The following TLCD4 variants were observed in gnomAD, a reference collection of about 807,000 sequenced individuals.
TLCD4 encodes the protein TLC domain-containing protein 4.
In TLCD4, 7 loss-of-function variants were observed where a neutral mutation model predicts 24.2. The observed-to-expected ratio is 0.29, with a 90% CI of 0.16 to 0.54. The LOEUF (loss-of-function observed/expected upper bound fraction) is 0.54. Among genes scored for constraint, TLCD4 ranks in the 20% least tolerant of loss-of-function variants. The probability of loss-of-function intolerance (pLI) is 0.95; values close to 1 mark genes in which losing one functional copy is unlikely to be tolerated. For synonymous variants in TLCD4, 103 were observed against 106.4 expected (o/e 0.97, Z 0.20); for missense variants, 259 against 313.9 (o/e 0.82, Z 1.32).
intron 5 of TLCD4, among the ~76,000 whole-genome samples, chr1:95,169,562 C>G (rs1377560273): frequency 6.6e-6 from 1 of 151,904 alleles, no homozygotes; most frequent in Non-Finnish European, 1.5e-5. Context: ...TAATTCTTTA[C>G]CAGTATGAAA....
chr1:95,149,095 A>G lies in TLCD4; in HGVS notation c.245+304A>G, dbSNP rs529190461. The stretch of plus-strand genomic sequence containing the variant: ...GTTATTGTAGTCACAGTTCTGAAGA[A>G]AAATAAATCATTATTGAGATAGGGT... On this transcript the variant is annotated intron_variant, in intron 3 of 6. Transcript: ENST00000370203. Among the ~76,000 whole-genome samples, 191 of 152,342 alleles carry G rather than the reference A, an allele frequency of 1.3e-3. 1 individual carries two copies. Among genetic ancestry groups the G allele is most frequent in the African/African-American group, 4.3e-3 (177 of 41,582 alleles).
chr1:95,196,312 G>A lies in TLCD4; in HGVS notation c.*4444G>A, dbSNP rs959082302. 3 of 152,178 alleles carry A rather than the reference G, an allele frequency of 2.0e-5. No individual in the cohort carries two copies. Among genetic ancestry groups the A allele is most frequent in the Admixed American group, 2.0e-4 (3 of 15,278 alleles). 9.4% of individuals were successfully genotyped at this position (152,178 alleles called of 1,614,324 possible). ...AGGAACTGAGATAACTCTGTGTTAT[G>A]AGAGGGTGGATGCTGGCTTGTGCCA... On this transcript the variant is annotated 3_prime_UTR_variant, in exon 7 of 7. Coordinates refer to ENST00000370203, the MANE Select transcript of TLCD4 (RefSeq NM_152487.3).
intron 5 of TLCD4, among the ~76,000 whole-genome samples, chr1:95,152,907 T>C (rs1480367350): frequency 2.0e-5 from 3 of 152,144 alleles, no homozygotes; most frequent in Non-Finnish European, 2.9e-5. Flanking sequence ...TCTGACTACA[T>C]TGATAGCCTT....
chr1:95,121,408 A>G (rs1374269657), intron 1 of TLCD4, among the ~76,000 whole-genome samples: 1 of 151,850 alleles, frequency 6.6e-6, no homozygotes, highest in African/African-American at 2.4e-5. Context: ...GTGTTTTGAA[A>G]CCCCATTTGC....
At chr1:95,173,988 T>C in intron 6 of TLCD4, 99 bp downstream of exon 6, 1 of 1,506,874 alleles carries the variant, frequency 6.6e-7, no homozygotes, top group Non-Finnish European at 9.1e-7. Flanking sequence ...ATATAAAAGA[T>C]ACGGATCTGT....
intron 1 of TLCD4, among the ~76,000 whole-genome samples, chr1:95,131,665 G>C (rs192797780): frequency 6.6e-6 from 1 of 152,336 alleles, no homozygotes; most frequent in East Asian, 1.9e-4. Context: ...AGTTATTTAA[G>C]AAGTATAATC....
At chr1:95,098,400 A>G in the TLCD4 span, among the ~76,000 whole-genome samples, 1 of 152,144 alleles carries the variant, frequency 6.6e-6, no homozygotes, top group African/African-American at 2.4e-5. Context: ...TATTTTTCAT[A>G]ATCCTTGACC....
chr1:95,108,852 G>C, the TLCD4 span, among the ~76,000 whole-genome samples: 1 of 152,130 alleles, frequency 6.6e-6, no homozygotes, highest in Non-Finnish European at 1.5e-5. Context: ...AAATCCCAAA[G>C]TATTAATTAT....
intron 5 of TLCD4, among the ~76,000 whole-genome samples, chr1:95,159,158 C>T (rs1356298051): frequency 6.6e-6 from 1 of 152,220 alleles, no homozygotes; most frequent in Non-Finnish European, 1.5e-5. Context: ...TCCACATCCT[C>T]TCCAGCACCT....
chr1:95,099,962 C>G, the TLCD4 span, among the ~76,000 whole-genome samples: 3 of 150,870 alleles, frequency 2.0e-5, 1 homozygote, highest in South Asian at 6.3e-4. Flanking sequence ...TGAAACCCCC[C>G]CTCTACTAAA....
the TLCD4 span, among the ~76,000 whole-genome samples, chr1:95,108,895 G>A: frequency 1.1e-4 from 17 of 152,168 alleles, no homozygotes; most frequent in South Asian, 3.5e-3. Flanking sequence ...ATATACAGAA[G>A]GTTATTCCTT....
chr1:95,097,934 A>G, the TLCD4 span, among the ~76,000 whole-genome samples: 2 of 152,332 alleles, frequency 1.3e-5, no homozygotes, highest in Admixed American at 1.3e-4. Flanking sequence ...AAACAACCTA[A>G]GCAAAAGAGC....
At chr1:95,163,593 G>T (rs1677906287) in intron 5 of TLCD4, 1 of 152,178 alleles carries the variant, frequency 6.6e-6, no homozygotes, top group African/African-American at 2.4e-5. Flanking sequence ...CTGATTTTTA[G>T]AATTTTCAGC....
upstream of TLCD4, among the ~76,000 whole-genome samples, chr1:95,114,856 G>T (rs1676399347): frequency 6.6e-6 from 1 of 151,670 alleles, no homozygotes; most frequent in Non-Finnish European, 1.5e-5. Context: ...TTTTGTATTT[G>T]TTGCCCATTT....
intron 1 of TLCD4, among the ~76,000 whole-genome samples, chr1:95,129,595 A>C (rs1297205353): frequency 1.3e-5 from 2 of 152,304 alleles, no homozygotes; most frequent in Non-Finnish European, 2.9e-5. Flanking sequence ...TACAAAAATT[A>C]GCCGGGTATG....
the TLCD4 span, among the ~76,000 whole-genome samples, chr1:95,109,956 TATAC>T: frequency 3.4e-5 from 3 of 89,496 alleles, no homozygotes; most frequent in African/African-American, 9.4e-5. Context: ...TATATATATA[TATAC>T]ACACACACAA....
At chr1:95,147,714 T>C (rs1488445877) in intron 2 of TLCD4, among the ~76,000 whole-genome samples, 1 of 152,184 alleles carries the variant, frequency 6.6e-6, no homozygotes, top group Non-Finnish European at 1.5e-5. Flanking sequence ...TGCACACCAG[T>C]AATTTTTAGA....
chr1:95,134,584 G>C (rs1676993684), intron 1 of TLCD4, among the ~76,000 whole-genome samples: 1 of 152,154 alleles, frequency 6.6e-6, no homozygotes. Context: ...CTAGAGGAAG[G>C]TTGTGGGAGG....
intron 6 of TLCD4, among the ~76,000 whole-genome samples, chr1:95,181,703 TCTC>T (rs1276146496): frequency 6.6e-6 from 1 of 152,012 alleles, no homozygotes; most frequent in Non-Finnish European, 1.5e-5. Flanking sequence ...TTCAAGCAAT[TCTC>T]CTGCCTCAGC....
Sources: gnomAD v4.1 joint callset for allele counts (sites outside exome capture counted in the v4.1 genomes callset) on GRCh38, gnomAD v4.1.1 for gene constraint, MANE v1.5 for transcripts, NCBI Gene and HGNC (gene_info 2026-07-23, HGNC 2026-07-21) for gene names.